TSNARE1: variants seen among roughly 807,000 people sequenced by gnomAD.
TSNARE1 encodes t-SNARE domain-containing protein 1.
Under a neutral mutation model 62.0 loss-of-function variants are expected in TSNARE1, and 49 were observed. That is an observed-to-expected ratio of 0.79 (90% confidence interval 0.63 to 1.00). The LOEUF (loss-of-function observed/expected upper bound fraction) is 1.00, where lower values mean the gene tolerates loss of function less well. TSNARE1 is among the 50% of genes least tolerant of loss of function. TSNARE1 has a pLI of 0.00. For synonymous variants in TSNARE1, 328 were observed against 294.4 expected, an observed-to-expected ratio of 1.11 and a Z score of -1.17; for missense variants, 755 against 700.1, an observed-to-expected ratio of 1.08 and a Z score of -0.88.
chr8:142,311,290 G>GTTTTTTTTTTTTTTTTTT lies in TSNARE1; in HGVS notation c.1131+3076_1131+3093dup, dbSNP rs58755110. ...CGATTCTCCTGCCTCAGCCTCTCTA[G>GTTTTTTTTTTTTTTTTTT]TTTTTTTTTTTTTTTTTTTTTTTTG... On this transcript the variant is annotated intron_variant, in intron 9 of 13. Transcript: ENST00000524325. Among the ~76,000 whole-genome samples the GTTTTTTTTTTTTTTTTTT allele has an allele frequency of 1.7e-3, 95 of 57,350 alleles. 5 individuals carry two copies. Among genetic ancestry groups the GTTTTTTTTTTTTTTTTTT allele is most frequent in the East Asian group, 2.5e-3 (4 of 1,616 alleles). The allele number at this position is 57,350 out of a possible 152,430, so 37.6% of individuals were successfully genotyped here.
At chr8:142,340,149 G>C (rs1168712025) in intron 4 of TSNARE1, among the ~76,000 whole-genome samples, 1 of 152,210 alleles carries the variant, frequency 6.6e-6, no homozygotes, top group African/African-American at 2.4e-5. Context: ...GCGCAGGGGT[G>C]GTGCTCAGGC....
chr8:142,354,736 T>G lies in TSNARE1; in HGVS notation c.-12A>C, dbSNP rs558818558. ...GATCCGTATGACATCTTCTTACAGATGGCAGGGCCAGCAGCCTCCACACTG... is the reference window on the plus strand; with the variant it reads ...GATCCGTATGACATCTTCTTACAGAGGGCAGGGCCAGCAGCCTCCACACTG... On this transcript the variant is annotated 5_prime_UTR_variant, in exon 2 of 14. Coordinates refer to ENST00000524325, the MANE Select transcript of TSNARE1 (RefSeq NM_145003.5). 7.5e-6 allele frequency: 12 copies of G among 1,610,200 alleles called. No individual in the cohort carries two copies. The South Asian group carries it at 1.3e-4, about 18-fold the overall frequency.
At chr8:142,283,167 A>G (rs1311692840) in intron 11 of TSNARE1, among the ~76,000 whole-genome samples, 6 of 151,376 alleles carry the variant, frequency 4.0e-5, no homozygotes, top group Non-Finnish European at 7.4e-5. Flanking sequence ...AGGTGGGGCC[A>G]GTGTCTGTCA....
intron 13 of TSNARE1, among the ~76,000 whole-genome samples, chr8:142,227,353 AT>A (rs1328206725): frequency 1.6e-4 from 13 of 82,050 alleles, no homozygotes; most frequent in African/African-American, 1.2e-3. Flanking sequence ...CATCCTGCCC[AT>A]AGCCCCAGTG....
At position 142,365,244 on chromosome 8, in the gene TSNARE1, G is replaced by A. The variant is rs1835446009; in HGVS notation, c.-39-10481C>T. ...CTGTGAGAAACAGCAGAGACACTCA[G>A]ACTGAGAAGAACTCACCGGCCATCT... On this transcript the variant is annotated intron_variant, in intron 1 of 13. Coordinates refer to ENST00000524325, the MANE Select transcript of TSNARE1 (RefSeq NM_145003.5). Among the ~76,000 whole-genome samples the A allele has an allele frequency of 1.3e-5, 2 of 152,158 alleles. 1 individual carries two copies. Among genetic ancestry groups the A allele is most frequent in the South Asian group, 4.2e-4 (2 of 4,816 alleles).
chr8:142,369,803 AAAGAC>A (rs1284872579), intron 1 of TSNARE1, among the ~76,000 whole-genome samples: 1 of 152,240 alleles, frequency 6.6e-6, no homozygotes, highest in Non-Finnish European at 1.5e-5. Flanking sequence ...AAAGAAAACA[AAAGAC>A]AAGCACCTAC....
chr8:142,349,546 G>A (rs547495896), intron 2 of TSNARE1, among the ~76,000 whole-genome samples: 52 of 152,258 alleles, frequency 3.4e-4, no homozygotes, highest in African/African-American at 1.1e-3. Context: ...AAACTCGCAC[G>A]CACAGAAGGG....
chr8:142,339,677 G>A (rs1832262197), intron 4 of TSNARE1, among the ~76,000 whole-genome samples: 1 of 152,250 alleles, frequency 6.6e-6, no homozygotes, highest in African/African-American at 2.4e-5. Context: ...GCAGCCATGA[G>A]GCAGTCGGGG....
At chr8:142,394,935 A>G (rs116093446) in intron 1 of TSNARE1, among the ~76,000 whole-genome samples, 1,776 of 152,204 alleles carry the variant, frequency 0.012, 36 homozygotes, top group African/African-American at 0.041. Flanking sequence ...AAGTCTCCAT[A>G]AGGAGAGATG....
chr8:142,300,693 C>A, intron 9 of TSNARE1, 49 bp from the exon 10 acceptor site: 2 of 1,570,530 alleles, frequency 1.3e-6, no homozygotes, highest in Non-Finnish European at 1.7e-6. Context: ...CCCATTACCA[C>A]CACAACCCAG....
At position 142,228,603 on chromosome 8, in the gene TSNARE1, G is replaced by A. The variant is rs186368022; in HGVS notation, c.*11+870C>T. On this transcript the variant is annotated intron_variant, in intron 13 of 13. Coordinates refer to ENST00000524325, the MANE Select transcript of TSNARE1 (RefSeq NM_145003.5). ...AAATTGCCAGTCATAAACTTCTGGA[G>A]GTCAGTGCCTAGGAAAAGAGAGGCT... is the stretch of plus-strand genomic sequence containing the variant. Among the ~76,000 whole-genome samples, 91 of 152,376 alleles carry A rather than the reference G, an allele frequency of 6.0e-4. No individual in the cohort carries two copies. The East Asian group carries it at 0.014, about 24-fold the overall frequency.
chr8:142,229,582 G>T lies in TSNARE1; in HGVS notation c.1447-3C>A, dbSNP rs775596601. ...CACTTGATCTTGTGTCTCTGGAGCT[G>T]GGAGAGAGAGAGAGGTTGTTTCCAT... On this transcript the variant is annotated splice_region_variant and splice_polypyrimidine_tract_variant and intron_variant, in intron 12 of 13. Transcript: ENST00000524325. 6.2e-7 allele frequency: 1 copy of T among 1,613,008 alleles called. No individual in the cohort carries two copies. The highest frequency in any genetic ancestry group is 1.3e-5 in the African/African-American group (1 of 75,004).
chr8:142,238,016 C>A (rs1274471457), intron 12 of TSNARE1, among the ~76,000 whole-genome samples: 1 of 152,110 alleles, frequency 6.6e-6, no homozygotes, highest in Non-Finnish European at 1.5e-5. Context: ...ATGCATCTGA[C>A]TTAGGGAGGC....
At position 142,234,196 on chromosome 8, in the gene TSNARE1, G is replaced by A. The variant is rs775951827; in HGVS notation, c.1447-4617C>T. Among the ~76,000 whole-genome samples, 20 of 150,776 alleles carry A rather than the reference G, an allele frequency of 1.3e-4. 1 individual carries two copies. Among genetic ancestry groups the A allele is most frequent in the African/African-American group, 3.4e-4 (14 of 41,152 alleles). Reference sequence around the variant, plus strand: ...GGTTCAGGGAAGGTTCCAAGATGGCGCCATGACCACCACCATGGGTTCAGG... The same window carrying A: ...GGTTCAGGGAAGGTTCCAAGATGGCACCATGACCACCACCATGGGTTCAGG... On this transcript the variant is annotated intron_variant, in intron 12 of 13. Transcript: ENST00000524325.
intron 9 of TSNARE1, among the ~76,000 whole-genome samples, chr8:142,311,587 C>T (rs369658287): frequency 3.2e-4 from 49 of 152,192 alleles, no homozygotes; most frequent in African/African-American, 1.0e-3. Context: ...TGAGCCACCA[C>T]GCCTGGCAAG....
At chr8:142,297,387 C>T (rs1824948259) in intron 10 of TSNARE1, among the ~76,000 whole-genome samples, 1 of 152,262 alleles carries the variant, frequency 6.6e-6, no homozygotes, top group Admixed American at 6.5e-5. Flanking sequence ...CTTCCCCTCC[C>T]TGGGCCTCAG....
rs573497414 is a variant in TSNARE1, at chr8:142,249,990, G to A, written c.1447-20411C>T. ...GCTCTGAGCTTGGGGAGTGGGGGCCGGGGGATGCCGAGCTCTGCCGCAAAC... is the reference window on the plus strand; with the variant it reads ...GCTCTGAGCTTGGGGAGTGGGGGCCAGGGGATGCCGAGCTCTGCCGCAAAC... On this transcript the variant is annotated intron_variant, in intron 12 of 13. Coordinates refer to ENST00000524325, the MANE Select transcript of TSNARE1 (RefSeq NM_145003.5). 1.6e-4 allele frequency among the ~76,000 whole-genome samples: 24 copies of A among 152,310 alleles called. 3 individuals carry two copies. In the Middle Eastern group the frequency reaches 0.01, roughly 65 times the overall value.
chr8:142,251,334 T>A (rs1314524120), intron 12 of TSNARE1, among the ~76,000 whole-genome samples: 1 of 87,654 alleles, frequency 1.1e-5, no homozygotes. Context: ...CCCGCCCCCC[T>A]CCCCCCACAA....
chr8:142,249,137 G>A (rs888937209), intron 12 of TSNARE1, among the ~76,000 whole-genome samples: 10 of 152,372 alleles, frequency 6.6e-5, no homozygotes, highest in African/African-American at 2.4e-4. Context: ...ACGGGGCCAC[G>A]CTACGACTCT....
Sources: allele counts gnomAD v4.1 joint callset (sites outside exome capture counted in the v4.1 genomes callset), GRCh38; gene constraint gnomAD v4.1.1; transcripts MANE v1.5; gene names NCBI Gene and HGNC (gene_info 2026-07-23, HGNC 2026-07-21).